TNIK: variants seen among roughly 807,000 people sequenced by gnomAD.
The protein encoded by TNIK is TRAF2 and NCK-interacting protein kinase.
TNIK carries 49 observed loss-of-function variants against 191.3 expected under a neutral mutation model. The ratio of observed to expected loss-of-function variants is 0.26; its 90% CI spans 0.20 to 0.32. TNIK has a LOEUF of 0.32. TNIK is among the 10% of genes least tolerant of loss of function. The probability of loss-of-function intolerance (pLI) is 1.00; values close to 1 mark genes in which losing one functional copy is unlikely to be tolerated. For missense variants in TNIK, 1,155 were observed against 1,702.3 expected (o/e 0.68, Z 5.66); for synonymous variants, 594 against 600.9 (o/e 0.99, Z 0.17).
intron 2 of TNIK, among the ~76,000 whole-genome samples, chr3:171,253,765 A>G (rs1017091086): frequency 2.6e-5 from 4 of 151,410 alleles, no homozygotes; most frequent in African/African-American, 9.7e-5. Context: ...GATCAAACAA[A>G]TCTAGCCACT....
At chr3:171,067,822 A>G (rs548013868) in intron 30 of TNIK, among the ~76,000 whole-genome samples, 1 of 149,928 alleles carries the variant, frequency 6.7e-6, no homozygotes, top group Non-Finnish European at 1.5e-5. Flanking sequence ...GTTGAGGATT[A>G]TCATAGTTAC....
In TNIK at chr3:171,365,161, C is replaced by CTTTTTTTTTTT. The variant is rs60887361; in HGVS notation, c.123+4448_123+4458dup. On this transcript the variant is annotated intron_variant, in intron 2 of 32. Transcript: ENST00000436636. ...AAGGACTACACAAAAGGACTACATT[C>CTTTTTTTTTTT]TTTTTTTTTTTTTTTTTTTTTTTTT... Among the ~76,000 whole-genome samples, 66 of 31,934 alleles carry CTTTTTTTTTTT rather than the reference C, an allele frequency of 2.1e-3. 18 individuals are homozygous for CTTTTTTTTTTT. Among genetic ancestry groups the CTTTTTTTTTTT allele is most frequent in the Middle Eastern group, 0.026 (1 of 38 alleles). The allele number at this position is 31,934 out of a possible 152,430, so 20.9% of individuals were successfully genotyped here. A position where few individuals can be genotyped will look rare whatever the true frequency, so the allele number is the denominator to read the frequency against.
intron 1 of TNIK, among the ~76,000 whole-genome samples, chr3:171,426,753 G>A (rs370734845): frequency 4.3e-4 from 66 of 152,128 alleles, no homozygotes; most frequent in African/African-American, 1.5e-3. Context: ...CTGTCAACCC[G>A]TCTTTACTTT....
intron 27 of TNIK, among the ~76,000 whole-genome samples, chr3:171,080,168 G>GAA (rs144105704): frequency 7.2e-5 from 11 of 151,832 alleles, no homozygotes; most frequent in Non-Finnish European, 1.5e-4. Flanking sequence ...ACAAAAATAG[G>GAA]AAAAAAAGGA....
intron 2 of TNIK, among the ~76,000 whole-genome samples, chr3:171,330,700 A>G (rs936471316): frequency 2.6e-5 from 4 of 152,166 alleles, no homozygotes; most frequent in African/African-American, 4.8e-5. Flanking sequence ...TGAATCTTAC[A>G]TATGATCCTT....
chr3:171,190,604 C>G, intron 6 of TNIK, 93 bp downstream of exon 6: 2 of 992,310 alleles, frequency 2.0e-6, no homozygotes, highest in Non-Finnish European at 2.9e-6. Context: ...CTCTCCAAAT[C>G]CACGGTGACA....
intron 1 of TNIK, among the ~76,000 whole-genome samples, chr3:171,378,486 G>T (rs1201877745): frequency 6.6e-6 from 1 of 152,100 alleles, no homozygotes; most frequent in East Asian, 1.9e-4. Flanking sequence ...CATATTGTAA[G>T]TGCTTAAAAA....
At chr3:171,274,284 A>C (rs1470239780) in intron 2 of TNIK, among the ~76,000 whole-genome samples, 1 of 152,212 alleles carries the variant, frequency 6.6e-6, no homozygotes, top group Admixed American at 6.5e-5. Context: ...AAAAGCAAGG[A>C]ACATCACATG....
intron 2 of TNIK, among the ~76,000 whole-genome samples, chr3:171,254,762 GT>G (rs1443781932): frequency 2.0e-5 from 3 of 152,166 alleles, no homozygotes; most frequent in Non-Finnish European, 4.4e-5. Context: ...GCAATAATCT[GT>G]GGGCAGATAA....
chr3:171,264,034 GTGTA>G (rs1194245650), intron 2 of TNIK, among the ~76,000 whole-genome samples: 2 of 150,126 alleles, frequency 1.3e-5, no homozygotes, highest in African/African-American at 2.4e-5. Flanking sequence ...GTGTGTGTGT[GTGTA>G]TATATATGTG....
At chr3:171,400,606 A>T (rs1176297571) in intron 1 of TNIK, among the ~76,000 whole-genome samples, 1 of 152,076 alleles carries the variant, frequency 6.6e-6, no homozygotes, top group Non-Finnish European at 1.5e-5. Flanking sequence ...AAAGTGCTAG[A>T]TCCAGACCCC....
chr3:171,333,584 G>GAAAAAAAA (rs562856294), intron 2 of TNIK, among the ~76,000 whole-genome samples: 29 of 114,256 alleles, frequency 2.5e-4, no homozygotes, highest in African/African-American at 8.0e-4. Context: ...CAAAAAGAAA[G>GAAAAAAAA]AAAAAAAAAA....
At chr3:171,306,641 G>A (rs915706168) in intron 2 of TNIK, among the ~76,000 whole-genome samples, 2 of 152,056 alleles carry the variant, frequency 1.3e-5, no homozygotes, top group African/African-American at 4.8e-5. Flanking sequence ...GATTCCTTTT[G>A]AACAACAACA....
chr3:171,198,344 C>G (rs1173808260), intron 4 of TNIK, among the ~76,000 whole-genome samples: 1 of 151,878 alleles, frequency 6.6e-6, no homozygotes, highest in Admixed American at 6.6e-5. Flanking sequence ...AATAGGCAAT[C>G]CATAGAGACA....
chr3:171,178,262 C>G (rs988990514), intron 7 of TNIK, among the ~76,000 whole-genome samples: 34 of 152,118 alleles, frequency 2.2e-4, no homozygotes, highest in African/African-American at 7.7e-4. Flanking sequence ...ACTAGAAAAA[C>G]AGCAATTTCA....
intron 1 of TNIK, 139 bp downstream of exon 1, chr3:171,459,868 A>G (rs1420371247): frequency 7.3e-6 from 8 of 1,092,348 alleles, no homozygotes; most frequent in Non-Finnish European, 9.3e-6. Context: ...CCCCGAATCA[A>G]AACGGGAATC....
intron 1 of TNIK, among the ~76,000 whole-genome samples, chr3:171,371,700 T>A (rs1716512176): frequency 6.6e-6 from 1 of 151,800 alleles, no homozygotes. Context: ...GGAAGAAAAA[T>A]TTTGTTGGTT....
intron 3 of TNIK, among the ~76,000 whole-genome samples, chr3:171,223,264 C>G (rs377688322): frequency 1.3e-5 from 2 of 152,246 alleles, no homozygotes; most frequent in East Asian, 1.9e-4. Context: ...AGGACTGTCT[C>G]CTCACAGTTC....
At chr3:171,395,380 A>G (rs1035070105) in intron 1 of TNIK, among the ~76,000 whole-genome samples, 1 of 152,236 alleles carries the variant, frequency 6.6e-6, no homozygotes, top group Non-Finnish European at 1.5e-5. Context: ...CAAAGATTGC[A>G]TATAAAGCTC....
Sources: allele counts gnomAD v4.1 joint callset (sites outside exome capture counted in the v4.1 genomes callset), GRCh38; gene constraint gnomAD v4.1.1; transcripts MANE v1.5; gene names NCBI Gene and HGNC (gene_info 2026-07-23, HGNC 2026-07-21).